ABCC9: variants seen among roughly 807,000 people sequenced by gnomAD.
ABCC9 encodes ATP binding cassette subfamily C member 9.
Under a neutral mutation model 188.3 loss-of-function variants are expected in ABCC9, and 95 were observed. That is an observed-to-expected ratio of 0.50 (90% CI 0.43 to 0.60). The LOEUF is 0.60. Among genes scored for constraint, ABCC9 ranks in the 20% least tolerant of loss-of-function variants. The probability of loss-of-function intolerance (pLI) is 0.00; values close to 1 mark genes in which losing one functional copy is unlikely to be tolerated. For missense variants in ABCC9, 1,102 were observed against 1,876.3 expected, an observed-to-expected ratio of 0.59 and a Z score of 7.62; for synonymous variants, 659 against 652.7, an observed-to-expected ratio of 1.01 and a Z score of -0.15.
At chr12:21,835,277 T>G (rs1031150860) in intron 30 of ABCC9, among the ~76,000 whole-genome samples, 2 of 152,230 alleles carry the variant, frequency 1.3e-5, no homozygotes, top group African/African-American at 2.4e-5. Flanking sequence ...ACCTAGTATG[T>G]AACTGACTCT....
intron 22 of ABCC9, among the ~76,000 whole-genome samples, chr12:21,857,979 T>C (rs907010938): frequency 2.6e-5 from 4 of 152,154 alleles, no homozygotes; most frequent in Non-Finnish European, 5.9e-5. Flanking sequence ...AGGTGAGCAA[T>C]GTATCTTCAG....
intron 29 of ABCC9, among the ~76,000 whole-genome samples, chr12:21,841,800 C>A (rs531435115): frequency 6.6e-6 from 1 of 152,200 alleles, no homozygotes; most frequent in African/African-American, 2.4e-5. Flanking sequence ...CCCAGACAAC[C>A]AATTATAGGT....
At chr12:21,805,347 A>C (rs762099993) in intron 39 of ABCC9, 51 of 1,599,468 alleles carry the variant, frequency 3.2e-5, no homozygotes, top group Non-Finnish European at 4.1e-5. Flanking sequence ...GAATCAGCAG[A>C]AGGAAAAATG....
chr12:21,855,675 G>C (rs1211736887), intron 22 of ABCC9, among the ~76,000 whole-genome samples: 3 of 152,170 alleles, frequency 2.0e-5, no homozygotes, highest in Non-Finnish European at 4.4e-5. Context: ...GGATAATAAA[G>C]AGGCCTGAGA....
At chr12:21,931,402 A>C (rs976918003) in intron 4 of ABCC9, among the ~76,000 whole-genome samples, 3 of 152,098 alleles carry the variant, frequency 2.0e-5, no homozygotes, top group African/African-American at 7.2e-5. Context: ...TTTATTAAAA[A>C]AAAAAAAGAA....
intron 16 of ABCC9, among the ~76,000 whole-genome samples, chr12:21,877,209 A>G (rs1279414504): frequency 6.6e-6 from 1 of 152,208 alleles, no homozygotes; most frequent in Admixed American, 6.5e-5. Flanking sequence ...AGAAGTGAGT[A>G]CAAGACACGA....
rs1452235753 is a variant in ABCC9 at position 21,800,198 on chromosome 12, G to C, written c.*846C>G. The C allele has an allele frequency of 6.6e-6, 1 of 152,148 alleles. No individual in the cohort carries two copies. The allele number at this position is 152,148 out of a possible 1,614,324, so 9.4% of individuals were successfully genotyped here. On this transcript the variant is annotated 3_prime_UTR_variant, in exon 40 of 40. Transcript: ENST00000261200. The stretch of plus-strand genomic sequence containing the variant: ...TTAGCAGTGCCAAATGAAGTCACTT[G>C]CCTGTGTAAATCTTGAGTAATGTGG...
In ABCC9 at chr12:21,806,076, A is replaced by T; in HGVS notation, c.4450-16T>A. The T allele has an allele frequency of 1.9e-6, 3 of 1,588,898 alleles. No individual in the cohort carries two copies. Among genetic ancestry groups the T allele is most frequent in the Non-Finnish European group, 1.7e-6 (2 of 1,159,120 alleles). On this transcript the variant is annotated splice_polypyrimidine_tract_variant and intron_variant, in intron 38 of 39. Transcript: ENST00000261200. ...AAATATTCTCCTGCAAAAAAAAAAA[A>T]GTGTAAATTTTCTCGGGATTACTTT... is the stretch of plus-strand genomic sequence containing the variant.
intron 31 of ABCC9, among the ~76,000 whole-genome samples, chr12:21,826,926 T>A (rs1040136355): frequency 3.3e-5 from 5 of 152,150 alleles, no homozygotes; most frequent in African/African-American, 9.7e-5. Context: ...AGATTGCAAA[T>A]CTTGGAAGGA....
At chr12:21,904,301 G>A (rs974818330) in intron 12 of ABCC9, among the ~76,000 whole-genome samples, 1 of 152,222 alleles carries the variant, frequency 6.6e-6, no homozygotes. Context: ...AGACTTAAAT[G>A]TTAGACCCAA....
At chr12:21,810,963 T>C (rs1299811451) in intron 36 of ABCC9, among the ~76,000 whole-genome samples, 3 of 152,110 alleles carry the variant, frequency 2.0e-5, no homozygotes, top group Non-Finnish European at 4.4e-5. Flanking sequence ...GAACAAAATA[T>C]GGTCAAATGA....
At chr12:21,877,649 C>T (rs1946429757) in intron 16 of ABCC9, among the ~76,000 whole-genome samples, 1 of 152,106 alleles carries the variant, frequency 6.6e-6, no homozygotes, top group Non-Finnish European at 1.5e-5. Context: ...CCCTACATGA[C>T]ACCGTTGATG....
At chr12:21,803,118 G>T (rs747883283) in intron 39 of ABCC9, among the ~76,000 whole-genome samples, 8 of 151,542 alleles carry the variant, frequency 5.3e-5, no homozygotes, top group Non-Finnish European at 7.4e-5. Context: ...CAAGATTTTG[G>T]AGCCTAATGT....
intron 31 of ABCC9, among the ~76,000 whole-genome samples, chr12:21,820,484 C>A (rs993137873): frequency 2.6e-5 from 4 of 151,884 alleles, no homozygotes; most frequent in African/African-American, 9.7e-5. Flanking sequence ...AGATGGGTGA[C>A]AAAGCCTTAT....
intron 15 of ABCC9, among the ~76,000 whole-genome samples, chr12:21,883,351 GT>G (rs1188378896): frequency 6.6e-6 from 1 of 152,178 alleles, no homozygotes; most frequent in East Asian, 1.9e-4. Context: ...TCTCGTGATA[GT>G]GACTAAGTCT....
chr12:21,931,369 A>G (rs1476356426), intron 4 of ABCC9, among the ~76,000 whole-genome samples: 3 of 151,934 alleles, frequency 2.0e-5, no homozygotes, highest in Non-Finnish European at 4.4e-5. Flanking sequence ...ATGTGGAATT[A>G]TGAGTCAATT....
intron 5 of ABCC9, among the ~76,000 whole-genome samples, chr12:21,922,178 C>T (rs1174810252): frequency 6.6e-6 from 1 of 151,876 alleles, no homozygotes; most frequent in Non-Finnish European, 1.5e-5. Context: ...TTTAACAATG[C>T]TTATTTTTCC....
chr12:21,936,015 C>A (rs1050537195), intron 3 of ABCC9, among the ~76,000 whole-genome samples: 2 of 152,148 alleles, frequency 1.3e-5, no homozygotes, highest in African/African-American at 4.8e-5. Context: ...CTGTAACTTG[C>A]ATGCTTGGCA....
At chr12:21,814,422 A>G (rs1196228490) in intron 35 of ABCC9, among the ~76,000 whole-genome samples, 1 of 152,198 alleles carries the variant, frequency 6.6e-6, no homozygotes, top group Non-Finnish European at 1.5e-5. Context: ...TGCTTTAGCA[A>G]TAATGTATAG....
Sources: allele counts gnomAD v4.1 joint callset (sites outside exome capture counted in the v4.1 genomes callset), GRCh38; gene constraint gnomAD v4.1.1; transcripts MANE v1.5; gene names NCBI Gene and HGNC (gene_info 2026-07-23, HGNC 2026-07-21).